The following URI1 variants were observed in gnomAD, a reference collection of about 807,000 sequenced individuals.
URI1 encodes the protein URI1 prefoldin like chaperone.
Under a neutral mutation model 60.2 loss-of-function variants are expected in URI1, and 39 were observed. The observed-to-expected ratio is 0.65, with a 90% CI of 0.50 to 0.85. The LOEUF is 0.85. URI1 is among the 40% of genes least tolerant of loss of function. The probability of loss-of-function intolerance (pLI) is 0.00; values close to 1 mark genes in which losing one functional copy is unlikely to be tolerated. For missense variants in URI1, 691 were observed against 665.9 expected (o/e 1.04, Z -0.42); for synonymous variants, 251 against 236.8 (o/e 1.06, Z -0.55).
intron 4 of URI1, among the ~76,000 whole-genome samples, chr19:29,988,625 AGG>A (rs2055703702): frequency 6.6e-6 from 1 of 152,184 alleles, no homozygotes; most frequent in East Asian, 1.9e-4. Flanking sequence ...TTTATTGCTG[AGG>A]AGTGTTCCGT....
In URI1 at chr19:30,012,293, T is replaced by C; in HGVS notation, c.1187T>C (p.Val396Ala). 7 of 1,613,106 alleles carry C rather than the reference T, an allele frequency of 4.3e-6. No individual in the cohort carries two copies. The highest frequency in any genetic ancestry group is 5.9e-6 in the Non-Finnish European group (7 of 1,179,122). Residue 396 changes from valine to alanine, a missense_variant, in exon 10 of 11, where the codon GTT becomes GCT. Coordinates refer to ENST00000392271, the MANE Select transcript of URI1 (RefSeq NM_003796.3). ...TGTTTTGAATATCACAGAGCCTTTG[T>C]TGATGTTGTGAATGGAGAATATGTC... ...RTPADIYRAFVDVVNGEYVPR... is the reference protein window; with the variant it reads ...RTPADIYRAFADVVNGEYVPR...
intron 8 of URI1, 116 bp downstream of exon 8, chr19:30,009,469 A>C (rs2055991557): frequency 1.9e-6 from 2 of 1,049,666 alleles, no homozygotes; most frequent in Non-Finnish European, 2.7e-6. Context: ...GCCAGACAGG[A>C]AAATCATCTT....
rs139125619 is a variant in URI1 at position 29,946,996 on chromosome 19, A to G, written c.117+4332A>G. ...GTAAGAGGCGTGTAGAGAATGAGGGATGTGAGTGGAGGGATGGTGTCTTCT... is the reference window on the plus strand; with the variant it reads ...GTAAGAGGCGTGTAGAGAATGAGGGGTGTGAGTGGAGGGATGGTGTCTTCT... On this transcript the variant is annotated intron_variant, in intron 1 of 10. Transcript: ENST00000392271. 2.5e-3 allele frequency among the ~76,000 whole-genome samples: 380 copies of G among 152,162 alleles called. 2 individuals are homozygous for G. The highest frequency in any genetic ancestry group is 8.8e-3 in the African/African-American group (367 of 41,486).
At chr19:29,934,845 C>T (rs1883750625) in intron 1 of URI1, among the ~76,000 whole-genome samples, 1 of 152,136 alleles carries the variant, frequency 6.6e-6, no homozygotes. Flanking sequence ...GCTGGGATTA[C>T]AGGCATAAGC....
At chr19:29,945,369 C>T (rs1384560191) in intron 1 of URI1, among the ~76,000 whole-genome samples, 1 of 152,102 alleles carries the variant, frequency 6.6e-6, no homozygotes, top group African/African-American at 2.4e-5. Flanking sequence ...ACAAGTTTTA[C>T]GCTCTCTCTC....
chr19:29,963,607 G>T (rs1162751092), intron 1 of URI1, among the ~76,000 whole-genome samples: 1 of 151,706 alleles, frequency 6.6e-6, no homozygotes, highest in Admixed American at 6.6e-5. Context: ...TTTGACTTTT[G>T]GTCATATGAT....
At chr19:30,004,695 A>T (rs762920367) in intron 4 of URI1, 5 of 152,088 alleles carry the variant, frequency 3.3e-5, no homozygotes, top group African/African-American at 4.8e-5. Flanking sequence ...TTTACTGCTT[A>T]GCAGAGATTT....
rs202122748 is a variant in URI1, at chr19:30,012,346, A to G, written c.1240A>G (p.Ser414Gly). 2.5e-6 allele frequency: 4 copies of G among 1,614,204 alleles called. No individual in the cohort carries two copies. The Admixed American group carries it at 6.7e-5, about 27-fold the overall frequency. The change falls in exon 10 of 11, where the codon AGT becomes GGT. Residue 414 changes from serine (S) to glycine (G), a missense_variant. Transcript: ENST00000392271. ...TCGCAAATCCATCCTGAAGTCTCGA[A>G]GTAGAGAGAATAGTGTGTGTAGCGA... ...VPRKSILKSR[S>G]RENSVCSDTS...
At chr19:30,000,571 C>T (rs988666556) in intron 4 of URI1, among the ~76,000 whole-genome samples, 17 of 152,000 alleles carry the variant, frequency 1.1e-4, no homozygotes. Flanking sequence ...CTGTTGCCCT[C>T]AGAATTTTGG....
intron 1 of URI1, among the ~76,000 whole-genome samples, chr19:29,932,130 C>G (rs936222165): frequency 6.6e-6 from 1 of 151,874 alleles, no homozygotes; most frequent in Non-Finnish European, 1.5e-5. Flanking sequence ...TTGTCTTGTT[C>G]CCAATTTAGA....
intron 6 of URI1, among the ~76,000 whole-genome samples, chr19:30,006,504 C>T (rs2055944549): frequency 2.0e-5 from 3 of 152,068 alleles, no homozygotes; most frequent in African/African-American, 7.2e-5. Flanking sequence ...TAAAGTTGAA[C>T]AGAAAGACAA....
rs541551782 is a variant in URI1, at chr19:29,967,129, A to C, written c.118-4064A>C. 9.2e-5 allele frequency among the ~76,000 whole-genome samples: 14 copies of C among 152,340 alleles called. No homozygotes were observed. The East Asian group carries it at 2.7e-3, about 29-fold the overall frequency. On this transcript the variant is annotated intron_variant, in intron 1 of 10. Coordinates refer to ENST00000392271, the MANE Select transcript of URI1 (RefSeq NM_003796.3). ...TTACTGCATGTTACTGCTCTCCTTT[A>C]TAAAATAATTTTTAAAAAGCAGCTT... is the stretch of plus-strand genomic sequence containing the variant.
intron 2 of URI1, among the ~76,000 whole-genome samples, chr19:29,971,653 A>G (rs1184174068): frequency 6.7e-6 from 1 of 150,288 alleles, no homozygotes; most frequent in African/African-American, 2.5e-5. Context: ...AAAAAATCTA[A>G]TTTTCTACTT....
At chr19:30,012,684 A>G (rs557068886) in intron 10 of URI1, 153 bp downstream of exon 10, 11 of 894,752 alleles carry the variant, frequency 1.2e-5, no homozygotes, top group African/African-American at 6.8e-5. Context: ...AAACAGTACA[A>G]ATATTGTGAT....
At chr19:30,006,214 G>A (rs1050021528) in intron 6 of URI1, among the ~76,000 whole-genome samples, 1 of 152,068 alleles carries the variant, frequency 6.6e-6, no homozygotes, top group South Asian at 2.1e-4. Context: ...TTTTGCCAAG[G>A]CTGGCTTATG....
intron 1 of URI1, among the ~76,000 whole-genome samples, chr19:29,964,855 G>GTA (rs1298092232): frequency 3.7e-5 from 5 of 136,776 alleles, no homozygotes; most frequent in African/African-American, 5.4e-5. Context: ...ATATTTTCCT[G>GTA]TTTTTTTTTT....
upstream of URI1, among the ~76,000 whole-genome samples, chr19:29,939,414 A>C (rs974534368): frequency 2.0e-5 from 3 of 151,900 alleles, no homozygotes; most frequent in Non-Finnish European, 2.9e-5. Context: ...AGCTGGGATT[A>C]CAGGTGTGTG....
chr19:29,957,079 A>G (rs2055258285), intron 1 of URI1: 2 of 518,934 alleles, frequency 3.9e-6, no homozygotes, highest in African/African-American at 1.9e-5. Context: ...TTTCCTGCTT[A>G]TAATTCTTTT....
rs2055932557 is a variant in URI1, at chr19:30,005,657, G to C, written c.466G>C (p.Gly156Arg). The C allele has an allele frequency of 6.2e-7, 1 of 1,610,938 alleles. No individual in the cohort carries two copies. The highest frequency in any genetic ancestry group is 1.1e-5 in the South Asian group (1 of 90,346). ...TTTTTTGTTTAAAAACCAGGCTGCAGGTGATATTGTTGACATACGAGAAGA... is the reference window on the plus strand; with the variant it reads ...TTTTTTGTTTAAAAACCAGGCTGCACGTGATATTGTTGACATACGAGAAGA... Reference protein sequence around the residue: ...EDLQKMSDAAGDIVDIREEIK... With the variant: ...EDLQKMSDAARDIVDIREEIK... The change falls in exon 6 of 11, where the codon GGT becomes CGT. Residue 156 changes from glycine (G) to arginine (R), a missense_variant. Gly to Arg is a moderately radical substitution (Grantham distance 125, BLOSUM62 -2). Coordinates refer to ENST00000392271, the MANE Select transcript of URI1 (RefSeq NM_003796.3).
Sources: allele counts gnomAD v4.1 joint callset (sites outside exome capture counted in the v4.1 genomes callset), GRCh38; gene constraint gnomAD v4.1.1; transcripts MANE v1.5; gene names NCBI Gene and HGNC (gene_info 2026-07-23, HGNC 2026-07-21).